Variants in TMEM135 observed in about 807,000 individuals in gnomAD.
TMEM135 encodes the protein peroxisomal membrane protein 52.
In TMEM135, 30 loss-of-function variants were observed where a neutral mutation model predicts 60.3. The ratio of observed to expected loss-of-function variants is 0.50; its 90% CI spans 0.37 to 0.68. The LOEUF (loss-of-function observed/expected upper bound fraction) is 0.68. Ranked by LOEUF, TMEM135 falls within the 30% of genes least tolerant of loss-of-function variation. TMEM135 has a pLI of 0.00. For missense variants in TMEM135, 468 were observed against 548.8 expected (o/e 0.85, Z 1.47); for synonymous variants, 190 against 186.7 (o/e 1.02, Z -0.14).
At chr11:87,139,197 G>C (rs949800558) in intron 4 of TMEM135, among the ~76,000 whole-genome samples, 1 of 152,114 alleles carries the variant, frequency 6.6e-6, no homozygotes, top group African/African-American at 2.4e-5. Context: ...GTAGTACCCA[G>C]ATTTTTCCCA....
intron 10 of TMEM135, among the ~76,000 whole-genome samples, 157 bp downstream of exon 10, chr11:87,309,829 G>A (rs1942611240): frequency 6.6e-6 from 1 of 152,112 alleles, no homozygotes; most frequent in Non-Finnish European, 1.5e-5. Context: ...ATTGGGAAGT[G>A]AGGGTACAGA....
intron 4 of TMEM135, among the ~76,000 whole-genome samples, chr11:87,153,862 T>C (rs1938623908): frequency 6.6e-6 from 1 of 152,232 alleles, no homozygotes; most frequent in Admixed American, 6.5e-5. Context: ...GGATTTTCCA[T>C]TAAGTACTCT....
chr11:87,319,434 G>A (rs1565170717), intron 14 of TMEM135, 57 bp downstream of exon 14: 1 of 1,276,106 alleles, frequency 7.8e-7, no homozygotes, highest in East Asian at 2.3e-5. Context: ...CTTTTTGAGG[G>A]AATATTCTTT....
intron 4 of TMEM135, among the ~76,000 whole-genome samples, chr11:87,115,038 G>C (rs759533225): frequency 7.9e-5 from 12 of 152,128 alleles, no homozygotes; most frequent in Non-Finnish European, 1.2e-4. Context: ...AAGACTTTTG[G>C]AGGAATGTTG....
intron 10 of TMEM135, among the ~76,000 whole-genome samples, chr11:87,311,500 A>G (rs546612536): frequency 4.2e-4 from 64 of 152,198 alleles, no homozygotes; most frequent in Middle Eastern, 3.4e-3. Context: ...TTAACTGTTT[A>G]CATGTGGTTT....
chr11:87,084,644 A>G (rs981971940), intron 3 of TMEM135, among the ~76,000 whole-genome samples: 1 of 152,202 alleles, frequency 6.6e-6, no homozygotes, highest in Admixed American at 6.5e-5. Flanking sequence ...GAGGTGCACA[A>G]AGTTGTATGC....
At chr11:87,170,018 T>C (rs74844473) in intron 5 of TMEM135, among the ~76,000 whole-genome samples, 4 of 91,122 alleles carry the variant, frequency 4.4e-5, no homozygotes, top group East Asian at 6.2e-4. Flanking sequence ...CTTTTTTTTT[T>C]CTAATCTTGT....
intron 4 of TMEM135, among the ~76,000 whole-genome samples, chr11:87,122,842 A>C (rs1247981400): frequency 6.6e-6 from 1 of 152,166 alleles, no homozygotes; most frequent in African/African-American, 2.4e-5. Context: ...AGTACTCAGT[A>C]CTGCACCTGA....
chr11:87,314,795 G>A (rs1364529960), intron 12 of TMEM135, among the ~76,000 whole-genome samples: 2 of 151,578 alleles, frequency 1.3e-5, no homozygotes, highest in Non-Finnish European at 3.0e-5. Context: ...ATCAGTATTT[G>A]GCCAGTCTCC....
intron 5 of TMEM135, among the ~76,000 whole-genome samples, chr11:87,205,388 A>G (rs1298186598): frequency 6.6e-6 from 1 of 152,216 alleles, no homozygotes; most frequent in Non-Finnish European, 1.5e-5. Flanking sequence ...TTAGAAAGAC[A>G]TATCTCTCAT....
intron 7 of TMEM135, among the ~76,000 whole-genome samples, 163 bp from the exon 8 acceptor site, chr11:87,302,133 A>G (rs906754840): frequency 4.6e-5 from 7 of 152,192 alleles, no homozygotes; most frequent in Non-Finnish European, 7.3e-5. Context: ...TTGAAAGTCT[A>G]TTTTTCTTCA....
chr11:87,149,974 T>C (rs113449167), intron 4 of TMEM135, among the ~76,000 whole-genome samples: 3 of 152,074 alleles, frequency 2.0e-5, no homozygotes, highest in South Asian at 4.1e-4. Flanking sequence ...CCCAGCACTT[T>C]GGGAGGCCAA....
chr11:87,039,516 T>G (rs1184044533), intron 1 of TMEM135, among the ~76,000 whole-genome samples: 1 of 152,212 alleles, frequency 6.6e-6, no homozygotes, highest in Non-Finnish European at 1.5e-5. Flanking sequence ...TGGCAAAGAT[T>G]CATGTTTATC....
intron 10 of TMEM135, among the ~76,000 whole-genome samples, chr11:87,312,221 A>G (rs1942651549): frequency 8.0e-6 from 1 of 125,388 alleles, no homozygotes; most frequent in African/African-American, 3.0e-5. Context: ...GTATTTTACT[A>G]TGGCTCCATT....
intron 3 of TMEM135, among the ~76,000 whole-genome samples, chr11:87,090,844 G>A (rs188145780): frequency 3.5e-4 from 53 of 152,014 alleles, no homozygotes; most frequent in South Asian, 2.7e-3. Context: ...CTGACTTTTC[G>A]TTTAAAATGA....
chr11:87,183,462 T>C (rs1313715453), intron 5 of TMEM135, among the ~76,000 whole-genome samples: 2 of 151,936 alleles, frequency 1.3e-5, no homozygotes, highest in East Asian at 3.9e-4. Flanking sequence ...TTTTTTGTTA[T>C]TTGTTTTCTC....
At position 87,325,214 on chromosome 11, in the gene TMEM135, A is replaced by G; in HGVS notation, c.*3881A>G. On this transcript the variant is annotated 3_prime_UTR_variant, in exon 15 of 15. Transcript: ENST00000305494. ...AGTAGTGGCCTCAGGTGACTTTGTA[A>G]TAGCCCTGTAGTTGCAAAAAGGGTA... 1 of 454,036 alleles carries G rather than the reference A, an allele frequency of 2.2e-6. No individual in the cohort carries two copies. The highest frequency in any genetic ancestry group is 4.4e-6 in the Non-Finnish European group (1 of 226,782). 28.1% of individuals were successfully genotyped at this position (454,036 alleles called of 1,614,324 possible).
chr11:87,286,448 G>A (rs967938984), intron 6 of TMEM135, among the ~76,000 whole-genome samples: 2 of 152,222 alleles, frequency 1.3e-5, no homozygotes, highest in African/African-American at 4.8e-5. Context: ...CAGGAGCCCA[G>A]CTGGCTTCGC....
At chr11:87,168,758 G>A (rs530443159) in intron 5 of TMEM135, among the ~76,000 whole-genome samples, 1 of 152,234 alleles carries the variant, frequency 6.6e-6, no homozygotes, top group East Asian at 1.9e-4. Context: ...GTTCTATGTG[G>A]TGCTGAGAAG....
Sources: gnomAD v4.1 joint callset for allele counts (sites outside exome capture counted in the v4.1 genomes callset) on GRCh38, gnomAD v4.1.1 for gene constraint, MANE v1.5 for transcripts, NCBI Gene and HGNC (gene_info 2026-07-23, HGNC 2026-07-21) for gene names.